Variants in MARCHF11 observed in about 807,000 individuals in gnomAD.
MARCHF11 encodes the protein E3 ubiquitin-protein ligase MARCHF11.
MARCHF11 carries 29 observed loss-of-function variants against 37.3 expected under a neutral mutation model. The observed-to-expected ratio is 0.78, with a 90% confidence interval of 0.58 to 1.06. The LOEUF is 1.06. Ranked by LOEUF, MARCHF11 falls within the 50% of genes least tolerant of loss-of-function variation. The pLI, the probability that MARCHF11 is intolerant of heterozygous loss-of-function variation, is 0.00. For missense variants in MARCHF11, 482 were observed against 533.4 expected, an observed-to-expected ratio of 0.90 and a Z score of 0.95; for synonymous variants, 233 against 228.0, an observed-to-expected ratio of 1.02 and a Z score of -0.20.
chr5:16,112,906 AC>A (rs1007107898), intron 2 of MARCHF11, among the ~76,000 whole-genome samples: 3 of 150,392 alleles, frequency 2.0e-5, no homozygotes, highest in Non-Finnish European at 4.4e-5. Flanking sequence ...ATAAGGGGAA[AC>A]CCCTTTTGCT....
intron 2 of MARCHF11, among the ~76,000 whole-genome samples, chr5:16,119,275 G>T (rs1737273508): frequency 1.3e-5 from 2 of 151,728 alleles, no homozygotes; most frequent in Admixed American, 1.3e-4. Flanking sequence ...AGGCAAGAGA[G>T]CACTTGAACC....
At chr5:16,111,219 G>A (rs901398061) in intron 2 of MARCHF11, among the ~76,000 whole-genome samples, 4 of 152,180 alleles carry the variant, frequency 2.6e-5, no homozygotes, top group Non-Finnish European at 5.9e-5. Flanking sequence ...CTTTGGAACT[G>A]GGTAACAGGC....
At chr5:16,083,093 T>C (rs2126551026) in intron 3 of MARCHF11, among the ~76,000 whole-genome samples, 1 of 152,328 alleles carries the variant, frequency 6.6e-6, no homozygotes, top group East Asian at 1.9e-4. Flanking sequence ...TGAAAGTCTT[T>C]TGATGAAAAT....
intron 2 of MARCHF11, among the ~76,000 whole-genome samples, chr5:16,114,266 A>G (rs1737195573): frequency 6.6e-6 from 1 of 152,152 alleles, no homozygotes; most frequent in African/African-American, 2.4e-5. Context: ...CTTAATTCTA[A>G]TATTTTATAT....
intron 2 of MARCHF11, among the ~76,000 whole-genome samples, chr5:16,131,753 G>A (rs571633414): frequency 1.3e-5 from 2 of 152,174 alleles, no homozygotes; most frequent in African/African-American, 4.8e-5. Flanking sequence ...TTTCATGATG[G>A]ACAGCTTAAA....
At chr5:16,138,078 G>T (rs1054715976) in intron 2 of MARCHF11, among the ~76,000 whole-genome samples, 1 of 152,190 alleles carries the variant, frequency 6.6e-6, no homozygotes, top group Non-Finnish European at 1.5e-5. Context: ...GCCAGCTGCA[G>T]AAATTTGCAT....
At chr5:16,119,651 T>C (rs967714527) in intron 2 of MARCHF11, among the ~76,000 whole-genome samples, 11 of 148,766 alleles carry the variant, frequency 7.4e-5, no homozygotes, top group Admixed American at 3.3e-4. Flanking sequence ...GGTTTTAAGA[T>C]GTTTAAAAAA....
At chr5:16,130,464 T>C (rs1184100790) in intron 2 of MARCHF11, among the ~76,000 whole-genome samples, 1 of 152,174 alleles carries the variant, frequency 6.6e-6, no homozygotes, top group Non-Finnish European at 1.5e-5. Flanking sequence ...TTTGTTGTTT[T>C]GTGCACTTCT....
intron 2 of MARCHF11, among the ~76,000 whole-genome samples, chr5:16,100,644 A>G (rs1260688389): frequency 2.0e-5 from 3 of 152,128 alleles, no homozygotes; most frequent in Non-Finnish European, 4.4e-5. Context: ...CCCTTCCATC[A>G]AAGGCTGCCC....
chr5:16,120,451 GC>G (rs1486965704), intron 2 of MARCHF11, among the ~76,000 whole-genome samples: 1 of 152,240 alleles, frequency 6.6e-6, no homozygotes, highest in African/African-American at 2.4e-5. Flanking sequence ...CCACAGAGCA[GC>G]CAGACAGTTG....
intron 2 of MARCHF11, among the ~76,000 whole-genome samples, chr5:16,107,907 C>T (rs1182973366): frequency 3.3e-5 from 5 of 152,028 alleles, no homozygotes; most frequent in African/African-American, 1.2e-4. Context: ...CTTCCCACTC[C>T]ATCCCCCTTC....
At chr5:16,136,900 A>T (rs184386418) in intron 2 of MARCHF11, among the ~76,000 whole-genome samples, 41 of 152,334 alleles carry the variant, frequency 2.7e-4, no homozygotes, top group African/African-American at 9.6e-4. Context: ...AGCTAAAGAA[A>T]CATAATGAAC....
intron 2 of MARCHF11, among the ~76,000 whole-genome samples, chr5:16,135,289 T>C (rs1018785097): frequency 1.3e-5 from 2 of 152,086 alleles, no homozygotes; most frequent in Non-Finnish European, 2.9e-5. Context: ...CAAGACAATG[T>C]AGAGAATGAT....
chr5:16,158,154 A>G (rs1738008085), intron 2 of MARCHF11, among the ~76,000 whole-genome samples: 1 of 151,938 alleles, frequency 6.6e-6, no homozygotes, highest in Admixed American at 6.6e-5. Context: ...TAGAATGGCT[A>G]TTGTCAAAGA....
At chr5:16,142,623 C>T (rs3933641) in intron 2 of MARCHF11, among the ~76,000 whole-genome samples, 6,897 of 151,742 alleles carry the variant, frequency 0.045, 427 homozygotes, top group African/African-American at 0.15. Context: ...TCCACTACCC[C>T]GGCCTCCCTC....
chr5:16,084,755 AGT>A (rs1491500962), intron 3 of MARCHF11, among the ~76,000 whole-genome samples: 10,060 of 85,598 alleles, frequency 0.12, 1,024 homozygotes, highest in African/African-American at 0.26. Flanking sequence ...TAGAAGGAGC[AGT>A]TTTTTTTTTT....
chr5:16,100,696 T>C (rs2126563202), intron 2 of MARCHF11, among the ~76,000 whole-genome samples: 1 of 152,290 alleles, frequency 6.6e-6, no homozygotes, highest in Admixed American at 6.5e-5. Context: ...AGTTGAATCC[T>C]GTTTCCAGAA....
chr5:16,106,692 T>C (rs1348871060), intron 2 of MARCHF11, among the ~76,000 whole-genome samples: 4 of 152,046 alleles, frequency 2.6e-5, no homozygotes, highest in Non-Finnish European at 2.9e-5. Context: ...TCTGAGGATA[T>C]TTTTTGTTGT....
At chr5:16,168,222 T>C (rs1175816057) in intron 2 of MARCHF11, among the ~76,000 whole-genome samples, 2 of 152,048 alleles carry the variant, frequency 1.3e-5, no homozygotes, top group Non-Finnish European at 2.9e-5. Context: ...GTTTCAGTCT[T>C]AGTAGTATTC....
Sources: gnomAD v4.1 joint callset for allele counts (sites outside exome capture counted in the v4.1 genomes callset) on GRCh38, gnomAD v4.1.1 for gene constraint, MANE v1.5 for transcripts, NCBI Gene and HGNC (gene_info 2026-07-23, HGNC 2026-07-21) for gene names.